Variants in SCN11A observed in about 807,000 individuals in gnomAD.
SCN11A encodes the protein sodium channel protein type 11 subunit alpha.
SCN11A carries 122 observed loss-of-function variants against 162.2 expected under a neutral mutation model. That is an observed-to-expected ratio of 0.75 (90% CI 0.65 to 0.87). The LOEUF is 0.87. Ranked by LOEUF, SCN11A falls within the 40% of genes least tolerant of loss-of-function variation. The pLI is 0.00. For synonymous variants in SCN11A, 758 were observed against 751.5 expected, an observed-to-expected ratio of 1.01 and a Z score of -0.14; for missense variants, 2,015 against 2,181.6, an observed-to-expected ratio of 0.92 and a Z score of 1.52.
At chr3:38,910,861 A>T (rs2065877637) in intron 11 of SCN11A, among the ~76,000 whole-genome samples, 1 of 152,214 alleles carries the variant, frequency 6.6e-6, no homozygotes, top group Non-Finnish European at 1.5e-5. Flanking sequence ...TATTACCAAA[A>T]CACAAATTAT....
intron 2 of SCN11A, among the ~76,000 whole-genome samples, chr3:38,995,776 G>C (rs1345715701): frequency 7.6e-6 from 1 of 131,482 alleles, no homozygotes; most frequent in Non-Finnish European, 1.6e-5. Context: ...ATAATAATGT[G>C]AGCCAATTTC....
intron 2 of SCN11A, among the ~76,000 whole-genome samples, chr3:39,027,976 G>A (rs1575364833): frequency 1.3e-5 from 2 of 152,278 alleles, no homozygotes; most frequent in Non-Finnish European, 1.5e-5. Context: ...CCTCCCAGGT[G>A]GTCCTCTTGA....
At chr3:38,874,925 T>C (rs1333166711) in intron 23 of SCN11A, among the ~76,000 whole-genome samples, 1 of 152,252 alleles carries the variant, frequency 6.6e-6, no homozygotes, top group African/African-American at 2.4e-5. Context: ...TTGTGGTTTA[T>C]GCTTTTCTAA....
intron 2 of SCN11A, among the ~76,000 whole-genome samples, chr3:39,018,454 T>C (rs1376481532): frequency 6.6e-6 from 1 of 152,206 alleles, no homozygotes; most frequent in Non-Finnish European, 1.5e-5. Flanking sequence ...TCTCTCAAGA[T>C]AGGGTTCACC....
chr3:38,955,808 A>G (rs2066673536), intron 3 of SCN11A, among the ~76,000 whole-genome samples: 1 of 152,274 alleles, frequency 6.6e-6, no homozygotes, highest in Non-Finnish European at 1.5e-5. Flanking sequence ...AGAATTCAGA[A>G]AAGCAGGATG....
chr3:39,023,683 C>G (rs957411342), intron 2 of SCN11A, among the ~76,000 whole-genome samples: 1 of 151,098 alleles, frequency 6.6e-6, no homozygotes, highest in Non-Finnish European at 1.5e-5. Context: ...TGCTCTGTCA[C>G]CCAGGCTGGA....
chr3:38,902,481 GA>G (rs1024819413), intron 16 of SCN11A, among the ~76,000 whole-genome samples: 7 of 151,902 alleles, frequency 4.6e-5, no homozygotes, highest in African/African-American at 1.7e-4. Context: ...GAGGGATGTG[GA>G]ACTAAGGATG....
rs750648628 is a variant in SCN11A at position 38,921,104 on chromosome 3, A to G, written c.864T>C (p.Cys288=). 20 of 1,613,980 alleles carry G rather than the reference A, an allele frequency of 1.2e-5. No individual in the cohort carries two copies. The highest frequency in any genetic ancestry group is 1.6e-5 in the Non-Finnish European group (19 of 1,179,948). ...AAGCTTCCGGGTTACTGATATTTTT[A>G]CAGTCCCTCGAGATGCATTTCAGGT... ...SLNLKCISRD[C]KNISNPEAYD... is the part of the protein sequence containing the mutation. The change falls in exon 10 of 30, where the codon TGT becomes TGC. Residue 288 remains cysteine, a synonymous_variant. Coordinates refer to ENST00000302328, the MANE Select transcript of SCN11A (RefSeq NM_001349253.2).
intron 28 of SCN11A, among the ~76,000 whole-genome samples, chr3:38,862,704 G>T (rs1223205545): frequency 6.6e-6 from 1 of 152,014 alleles, no homozygotes; most frequent in Non-Finnish European, 1.5e-5. Context: ...GGACATAAAG[G>T]CATAAGAATG....
chr3:38,954,660 A>C lies in SCN11A; in HGVS notation c.-138-901T>G, dbSNP rs7431390. Among the ~76,000 whole-genome samples, 3 of 152,090 alleles carry C rather than the reference A, an allele frequency of 2.0e-5. No individual in the cohort carries two copies. The East Asian group carries it at 5.8e-4, about 29-fold the overall frequency. On this transcript the variant is annotated intron_variant, in intron 3 of 29. Coordinates refer to ENST00000302328, the MANE Select transcript of SCN11A (RefSeq NM_001349253.2). ...CAAACAAACAAACAAACAAAAAAACAAAAAAACACACACACACCTAAAGAA... is the reference window on the plus strand; with the variant it reads ...CAAACAAACAAACAAACAAAAAAACCAAAAAACACACACACACCTAAAGAA...
At chr3:38,903,174 T>C (rs1458672325) in intron 16 of SCN11A, among the ~76,000 whole-genome samples, 1 of 152,166 alleles carries the variant, frequency 6.6e-6, no homozygotes, top group African/African-American at 2.4e-5. Context: ...CTAATTAGGG[T>C]AGATCATCCC....
At chr3:38,861,572 A>G (rs1157571074) in intron 28 of SCN11A, among the ~76,000 whole-genome samples, 1 of 151,906 alleles carries the variant, frequency 6.6e-6, no homozygotes, top group Non-Finnish European at 1.5e-5. Context: ...AGAATAGAGA[A>G]CCCCCCAAAA....
At chr3:38,967,168 A>G (rs924052857) in intron 2 of SCN11A, among the ~76,000 whole-genome samples, 5 of 152,212 alleles carry the variant, frequency 3.3e-5, no homozygotes, top group Non-Finnish European at 5.9e-5. Context: ...TGCCATGGTA[A>G]CCAGCCTCCA....
chr3:39,018,597 T>C (rs2125605884), intron 2 of SCN11A, among the ~76,000 whole-genome samples: 1 of 152,234 alleles, frequency 6.6e-6, no homozygotes, highest in Middle Eastern at 3.4e-3. Flanking sequence ...GGTGGGTGGA[T>C]CATGAGGTCA....
chr3:39,021,852 G>C (rs2031459957), intron 2 of SCN11A, among the ~76,000 whole-genome samples: 1 of 152,130 alleles, frequency 6.6e-6, no homozygotes, highest in South Asian at 2.1e-4. Flanking sequence ...CCCCTCAACT[G>C]ACTGCTTGGC....
In SCN11A at chr3:38,871,605, A is replaced by T; in HGVS notation, c.3599T>A (p.Phe1200Tyr). Reference sequence around the variant, plus strand: ...AATGCATTTCCCAAATTTTCCAGAAAAGAAGTATACTCCCAGAATACAAAA... The same window carrying T: ...AATGCATTTCCCAAATTTTCCAGAATAGAAGTATACTCCCAGAATACAAAA... ...LVFCILGVYF[F>Y]SGKFGKCING... Residue 1200 changes from phenylalanine to tyrosine, a missense_variant, in exon 25 of 30, where the codon TTT becomes TAT. Physicochemically the swap from Phe to Tyr is conservative, Grantham distance 22. Coordinates refer to ENST00000302328, the MANE Select transcript of SCN11A (RefSeq NM_001349253.2). 6.2e-7 allele frequency: 1 copy of T among 1,613,176 alleles called. No individual in the cohort carries two copies. Among genetic ancestry groups the T allele is most frequent in the Non-Finnish European group, 8.5e-7 (1 of 1,179,340 alleles).
chr3:38,927,013 G>T, intron 7 of SCN11A, 82 bp from the exon 8 acceptor site: 1 of 1,324,682 alleles, frequency 7.5e-7, no homozygotes, highest in African/African-American at 1.5e-5. Flanking sequence ...TACTGGCCTT[G>T]ATTTTTTTTT....
chr3:39,051,904 G>C lies in SCN11A; in HGVS notation c.-447C>G. On this transcript the variant is annotated 5_prime_UTR_variant, in exon 1 of 30. Transcript: ENST00000302328. Reference sequence around the variant, plus strand: ...GCCACACAGCAACTAACAGCACCGAGGAAACACAACAGCCTGTTTACCTTC... The same window carrying C: ...GCCACACAGCAACTAACAGCACCGACGAAACACAACAGCCTGTTTACCTTC... 1.6e-6 allele frequency: 2 copies of C among 1,239,970 alleles called. No individual in the cohort carries two copies. Among genetic ancestry groups the C allele is most frequent in the South Asian group, 1.3e-5 (1 of 77,112 alleles). The allele number at this position is 1,239,970 out of a possible 1,614,324, so 76.8% of individuals were successfully genotyped here. A position where few individuals can be genotyped will look rare whatever the true frequency, so the allele number is the denominator to read the frequency against.
chr3:38,886,177 A>G lies in SCN11A; in HGVS notation c.2897T>C (p.Ile966Thr), dbSNP rs761443584. ...PTSQRVQSVE[I>T]DMFSEDEPHL... ...AGGCTCATCTTCAGAGAACATGTCAATTTCCACACTTTGAACTCTCTGGCT... is the reference window on the plus strand; with the variant it reads ...AGGCTCATCTTCAGAGAACATGTCAGTTTCCACACTTTGAACTCTCTGGCT... Residue 966 changes from isoleucine to threonine, a missense_variant, in exon 20 of 30, where the codon ATT (isoleucine) becomes ACT (threonine). Physicochemically the swap from Ile to Thr is moderately conservative, Grantham distance 89. Transcript: ENST00000302328. The G allele has an allele frequency of 9.3e-6, 15 of 1,613,086 alleles. No individual in the cohort carries two copies. Among genetic ancestry groups the G allele is most frequent in the Non-Finnish European group, 1.2e-5 (14 of 1,179,890 alleles).
Sources: allele counts gnomAD v4.1 joint callset (sites outside exome capture counted in the v4.1 genomes callset), GRCh38; gene constraint gnomAD v4.1.1; transcripts MANE v1.5; gene names NCBI Gene and HGNC (gene_info 2026-07-23, HGNC 2026-07-21).